The following NR5A2 variants were observed in gnomAD, a reference collection of about 807,000 sequenced individuals.
NR5A2 encodes CYP7A promoter-binding factor.
NR5A2 carries 26 observed loss-of-function variants against 62.7 expected under a neutral mutation model. That is an observed-to-expected ratio of 0.41 (90% CI 0.30 to 0.58). The LOEUF is 0.58. NR5A2 is among the 20% of genes least tolerant of loss of function. The pLI is 0.22. For missense variants in NR5A2, 541 were observed against 669.1 expected, an observed-to-expected ratio of 0.81 and a Z score of 2.11; for synonymous variants, 246 against 241.7, an observed-to-expected ratio of 1.02 and a Z score of -0.16.
At chr1:200,119,816 GGGGTTT>G (rs1247762911) in intron 6 of NR5A2, among the ~76,000 whole-genome samples, 1 of 152,060 alleles carries the variant, frequency 6.6e-6, no homozygotes, top group African/African-American at 2.4e-5. Context: ...TAGTAGAGAT[GGGGTTT>G]GGCCTTGAAC....
chr1:200,095,263 T>C (rs1023974697), intron 5 of NR5A2, among the ~76,000 whole-genome samples: 19 of 151,304 alleles, frequency 1.3e-4, no homozygotes, highest in African/African-American at 4.6e-4. Flanking sequence ...ACTATAGGCA[T>C]GTGCCATCAT....
intron 5 of NR5A2, among the ~76,000 whole-genome samples, chr1:200,099,628 C>T (rs1367160900): frequency 6.6e-6 from 1 of 152,146 alleles, no homozygotes; most frequent in African/African-American, 2.4e-5. Flanking sequence ...GAATCTTGCT[C>T]TGTCGCCCGG....
At chr1:200,029,309 A>G (rs1661464340) in intron 1 of NR5A2, 1 of 174,094 alleles carries the variant, frequency 5.7e-6, no homozygotes, top group African/African-American at 2.4e-5. Context: ...CTGCCAAAAT[A>G]GAGTTGAGCT....
intron 7 of NR5A2, among the ~76,000 whole-genome samples, chr1:200,143,070 C>T (rs1274317981): frequency 1.3e-5 from 2 of 151,992 alleles, no homozygotes; most frequent in East Asian, 1.9e-4. Context: ...TGGTTTTTCA[C>T]ATTATTAGTT....
chr1:200,111,112 T>A, intron 5 of NR5A2, 90 bp from the exon 6 acceptor site: 1 of 1,462,976 alleles, frequency 6.8e-7, no homozygotes, highest in Non-Finnish European at 9.2e-7. Context: ...GTAGTCCTCT[T>A]ATGTTGAAAA....
Position 200,111,333 on chromosome 1 carries a change from GAC to G in NR5A2, c.1230+13_1230+14del. ...TTACTGGGCAACAAGTGAGTGTAGAGACCAAAAAAAAAAAAAAAGCATCTTTT... is the reference window on the plus strand; with the variant it reads ...TTACTGGGCAACAAGTGAGTGTAGAGCAAAAAAAAAAAAAAAGCATCTTTT... On this transcript the variant is annotated intron_variant, in intron 6 of 7. Coordinates refer to ENST00000367362, the MANE Select transcript of NR5A2 (RefSeq NM_205860.3). 1.6e-6 allele frequency: 2 copies of G among 1,220,014 alleles called. No individual in the cohort carries two copies. Among genetic ancestry groups the G allele is most frequent in the Non-Finnish European group, 1.1e-6 (1 of 924,514 alleles). 75.6% of individuals were successfully genotyped at this position (1,220,014 alleles called of 1,614,324 possible).
intron 5 of NR5A2, among the ~76,000 whole-genome samples, chr1:200,085,194 C>T (rs1664467065): frequency 6.6e-6 from 1 of 152,200 alleles, no homozygotes; most frequent in South Asian, 2.1e-4. Flanking sequence ...GTGTCCTCAT[C>T]TGTAAAACAT....
chr1:200,112,752 A>G (rs1666015475), intron 6 of NR5A2, among the ~76,000 whole-genome samples: 1 of 152,124 alleles, frequency 6.6e-6, no homozygotes, highest in African/African-American at 2.4e-5. Context: ...TGGCATTTTC[A>G]TTCTGGGACC....
chr1:200,042,636 CT>C (rs1307585074), intron 2 of NR5A2, among the ~76,000 whole-genome samples: 1 of 152,250 alleles, frequency 6.6e-6, no homozygotes, highest in African/African-American at 2.4e-5. Flanking sequence ...AGGCGAGAGC[CT>C]GGTGCGCCCA....
In NR5A2 at chr1:200,073,268, T is replaced by TTATATATA. The variant is rs371537456; in HGVS notation, c.1110+24466_1110+24473dup. On this transcript the variant is annotated intron_variant, in intron 5 of 7. Coordinates refer to ENST00000367362, the MANE Select transcript of NR5A2 (RefSeq NM_205860.3). ...TATATATATATATATATATTCCCCT[T>TTATATATA]TATATATATATATATATATATATTC... Among the ~76,000 whole-genome samples, 491 of 111,184 alleles carry TTATATATA rather than the reference T, an allele frequency of 4.4e-3. 24 individuals are homozygous for TTATATATA. The highest frequency in any genetic ancestry group is 0.012 in the African/African-American group (336 of 28,036). The allele number at this position is 111,184 out of a possible 152,430, so 72.9% of individuals were successfully genotyped here.
Position 200,087,054 on chromosome 1 carries a change from T to C in NR5A2, c.1111-24148T>C, listed in dbSNP as rs557431744. On this transcript the variant is annotated intron_variant, in intron 5 of 7. Transcript: ENST00000367362. ...ACTCCTCAAAAATAAAAATAAAAAA[T>C]TGGGGACAATATCGGGTAGACAAAT... Among the ~76,000 whole-genome samples the C allele has an allele frequency of 1.1e-4, 16 of 152,080 alleles. 3 individuals carry two copies. The highest frequency in any genetic ancestry group is 2.4e-4 in the African/African-American group (10 of 41,498).
intron 7 of NR5A2, among the ~76,000 whole-genome samples, chr1:200,124,851 A>G (rs1480311764): frequency 6.6e-6 from 1 of 152,078 alleles, no homozygotes; most frequent in Non-Finnish European, 1.5e-5. Flanking sequence ...AGGATCAGCC[A>G]AGATCGTACT....
intron 5 of NR5A2, among the ~76,000 whole-genome samples, chr1:200,083,451 T>C (rs1168083518): frequency 6.6e-6 from 1 of 152,220 alleles, no homozygotes; most frequent in Non-Finnish European, 1.5e-5. Flanking sequence ...CATATATGTG[T>C]ACATTTTAAA....
intron 6 of NR5A2, among the ~76,000 whole-genome samples, chr1:200,119,439 AG>A: frequency 6.6e-6 from 1 of 151,762 alleles, no homozygotes; most frequent in Middle Eastern, 3.4e-3. Context: ...TGCACCTAAA[AG>A]AGTATCTGGT....
intron 1 of NR5A2, among the ~76,000 whole-genome samples, chr1:200,028,349 G>A (rs1185305279): frequency 6.8e-6 from 1 of 146,964 alleles, no homozygotes; most frequent in Non-Finnish European, 1.5e-5. Flanking sequence ...CAAAAGTATG[G>A]TGTCTTATTC....
Position 200,176,900 on chromosome 1 carries a change from A to T in NR5A2, c.*2690A>T, listed in dbSNP as rs1239206861. 1 of 152,194 alleles carries T rather than the reference A, an allele frequency of 6.6e-6. No individual in the cohort carries two copies. Among genetic ancestry groups the T allele is most frequent in the Non-Finnish European group, 1.5e-5 (1 of 68,042 alleles). The allele number at this position is 152,194 out of a possible 1,614,324, so 9.4% of individuals were successfully genotyped here. A position where few individuals can be genotyped will look rare whatever the true frequency, so the allele number is the denominator to read the frequency against. Reference sequence around the variant, plus strand: ...AATGTCACATATTGGTATGTTGTTAACCTGGTAGATTAAATCATGAGAATG... The same window carrying T: ...AATGTCACATATTGGTATGTTGTTATCCTGGTAGATTAAATCATGAGAATG... On this transcript the variant is annotated 3_prime_UTR_variant, in exon 8 of 8. Coordinates refer to ENST00000367362, the MANE Select transcript of NR5A2 (RefSeq NM_205860.3).
Position 200,173,985 on chromosome 1 carries a change from C to T in NR5A2, c.1401C>T (p.Phe467=). Residue 467 remains phenylalanine, a synonymous_variant, in exon 8 of 8, where the codon TTC becomes TTT. Transcript: ENST00000367362. ...CAGATGTCAAAAACCTTGAAAACTT[C>T]CAGCTGGTAGAAGGTGTCCAGGAAC... ...FSLDVKNLEN[F]QLVEGVQEQV... is the part of the protein sequence containing the mutation. 2 of 1,459,176 alleles carry T rather than the reference C, an allele frequency of 1.4e-6. No individual in the cohort carries two copies. The highest frequency in any genetic ancestry group is 2.5e-5 in the Admixed American group (1 of 39,926). 90.4% of individuals were successfully genotyped at this position (1,459,176 alleles called of 1,614,324 possible).
Position 200,174,155 on chromosome 1 carries a change from G to T in NR5A2, c.1571G>T (p.Gly524Val). The change falls in exon 8 of 8, where the codon GGG becomes GTG. Residue 524 changes from glycine to valine, a missense_variant. Gly to Val is a moderately radical substitution (Grantham distance 109). Around this residue, in one of 3 missense-constraint regions of NR5A2, gnomAD observed 379 missense variants for 442.0 expected, o/e 0.86. Transcript: ENST00000367362. ...TACCTCTACTACAAGCACCTGAACG[G>T]GGATGTGCCCTATAATAACCTTCTC... ...EEYLYYKHLN[G>V]DVPYNNLLIE... 1 of 1,613,488 alleles carries T rather than the reference G, an allele frequency of 6.2e-7. No individual in the cohort carries two copies. Among genetic ancestry groups the T allele is most frequent in the Non-Finnish European group, 8.5e-7 (1 of 1,179,790 alleles).
intron 5 of NR5A2, among the ~76,000 whole-genome samples, chr1:200,109,532 C>T (rs1571493133): frequency 1.3e-5 from 2 of 152,192 alleles, no homozygotes; most frequent in African/African-American, 4.8e-5. Flanking sequence ...TGCCTCAAAT[C>T]CTTGTTTTTG....
Sources: allele counts gnomAD v4.1 joint callset (sites outside exome capture counted in the v4.1 genomes callset), GRCh38; gene constraint gnomAD v4.1.1; regional missense constraint gnomAD v4.1.1; transcripts MANE v1.5; gene names NCBI Gene and HGNC (gene_info 2026-07-23, HGNC 2026-07-21).